Variants in ARHGAP6 observed in about 807,000 individuals in gnomAD.
ARHGAP6 encodes Rho GTPase activating protein 6, also known as rho GTPase-activating protein 6.
ARHGAP6 carries 16 observed loss-of-function variants against 55.7 expected under a neutral mutation model. The observed-to-expected ratio is 0.29, with a 90% CI of 0.19 to 0.44. The LOEUF is 0.44. ARHGAP6 is among the 20% of genes least tolerant of loss of function. The pLI is 1.00. For missense variants in ARHGAP6, 698 were observed against 808.9 expected (o/e 0.86, Z 1.66); for synonymous variants, 382 against 360.9 (o/e 1.06, Z -0.66).
At chrX:11,586,648 T>C (rs1054369963) in intron 1 of ARHGAP6, among the ~76,000 whole-genome samples, 1 of 112,048 alleles carries the variant, frequency 8.9e-6, no homozygotes, top group African/African-American at 3.2e-5. Flanking sequence ...TTTTCTTGGC[T>C]ATTCAGGCTT....
chrX:11,166,502 GCTT>G (rs1569237810), intron 9 of ARHGAP6, among the ~76,000 whole-genome samples: 2 of 112,055 alleles, frequency 1.8e-5, no homozygotes, highest in Admixed American at 1.9e-4. Flanking sequence ...AATTCTGAAA[GCTT>G]CTTTAAAAAG....
intron 1 of ARHGAP6, among the ~76,000 whole-genome samples, chrX:11,275,037 G>A (rs1000340830): frequency 9.0e-6 from 1 of 111,443 alleles, no homozygotes; most frequent in Non-Finnish European, 1.9e-5. Flanking sequence ...AAGTATTCTC[G>A]AAAGAAAAGA....
At chrX:11,363,051 A>G (rs151266510) in intron 1 of ARHGAP6, among the ~76,000 whole-genome samples, 1,625 of 112,056 alleles carry the variant, frequency 0.015, 26 homozygotes, top group African/African-American at 0.049. Context: ...ATAAAACCAT[A>G]TGAATTAAAG....
intron 2 of ARHGAP6, among the ~76,000 whole-genome samples, chrX:11,233,650 G>A (rs778382414): frequency 8.9e-6 from 1 of 111,840 alleles, no homozygotes; most frequent in East Asian, 2.8e-4. Flanking sequence ...GCATAACGTT[G>A]CCATTTTTTC....
rs1365461228 is a variant in ARHGAP6 at position 11,189,630 on chromosome X, C to T, written c.821-646G>A. ...TTGGGGCTGTCACTCTCGTGATCTA[C>T]ACTCAAGCCATTCTACTGGCCACAT... On this transcript the variant is annotated intron_variant, in intron 3 of 12. Coordinates refer to ENST00000337414, the MANE Select transcript of ARHGAP6 (RefSeq NM_013427.3). 2.7e-5 allele frequency among the ~76,000 whole-genome samples: 3 copies of T among 112,037 alleles called. No homozygotes were observed. The Admixed American group carries it at 2.8e-4, about 11-fold the overall frequency.
At chrX:11,372,283 T>C (rs1322602400) in intron 1 of ARHGAP6, among the ~76,000 whole-genome samples, 1 of 112,311 alleles carries the variant, frequency 8.9e-6, no homozygotes, top group Non-Finnish European at 1.9e-5. Context: ...TATGTTTATA[T>C]ATTAACTTTT....
intron 3 of ARHGAP6, among the ~76,000 whole-genome samples, chrX:11,193,061 C>T (rs2046481282): frequency 8.9e-6 from 1 of 112,062 alleles, no homozygotes; most frequent in Non-Finnish European, 1.9e-5. Context: ...ATATGTAAAT[C>T]AAAAGTCACA....
chrX:11,572,152 A>G (rs942969837), intron 1 of ARHGAP6, among the ~76,000 whole-genome samples: 3 of 111,604 alleles, frequency 2.7e-5, no homozygotes, highest in African/African-American at 9.8e-5. Context: ...GGATAATCAA[A>G]TCATAATGGG....
intron 2 of ARHGAP6, among the ~76,000 whole-genome samples, chrX:11,247,160 T>C (rs1299657486): frequency 1.8e-5 from 2 of 111,798 alleles, no homozygotes; most frequent in Non-Finnish European, 3.8e-5. Context: ...TTGAGCAATT[T>C]TGAGGCATTG....
chrX:11,340,458 A>G (rs1328463454), intron 1 of ARHGAP6, among the ~76,000 whole-genome samples: 2 of 112,007 alleles, frequency 1.8e-5, no homozygotes, highest in African/African-American at 3.3e-5. Flanking sequence ...GGCCGGGTGC[A>G]GTGGCTCGCG....
chrX:11,403,039 G>T (rs1259449185), intron 1 of ARHGAP6, among the ~76,000 whole-genome samples: 1 of 112,265 alleles, frequency 8.9e-6, no homozygotes, highest in South Asian at 3.7e-4. Flanking sequence ...TGGCTGCTCA[G>T]TATGGGAAAG....
chrX:11,659,512 T>C (rs956344502), intron 1 of ARHGAP6, among the ~76,000 whole-genome samples: 1 of 111,315 alleles, frequency 9.0e-6, no homozygotes, highest in African/African-American at 3.3e-5. Flanking sequence ...GACAGAATAA[T>C]ATACCACCAA....
intron 1 of ARHGAP6, among the ~76,000 whole-genome samples, chrX:11,558,552 A>AT (rs756795404): frequency 4.7e-4 from 52 of 110,274 alleles, no homozygotes; most frequent in Non-Finnish European, 7.4e-4. Context: ...AAAAGGAGAA[A>AT]TTTTGCCAGG....
Position 11,665,309 on chromosome X carries a change from T to A in ARHGAP6, c.-481A>T. 8.7e-6 allele frequency: 1 copy of A among 114,690 alleles called. No homozygotes were observed. The highest frequency in any genetic ancestry group is 1.9e-5 in the Non-Finnish European group (1 of 53,965). 9.5% of individuals were successfully genotyped at this position (114,690 alleles called of 1,213,427 possible). ...GGCCAGGGAGAAGGCTGCCTGGGCG[T>A]GCGCCCAGGGCGCGTCCACCGCGCT... On this transcript the variant is annotated 5_prime_UTR_variant, in exon 1 of 13. Coordinates refer to ENST00000337414, the MANE Select transcript of ARHGAP6 (RefSeq NM_013427.3).
intron 1 of ARHGAP6, among the ~76,000 whole-genome samples, chrX:11,541,401 ATGAGGTGGTT>A (rs781333954): frequency 1.5e-4 from 17 of 110,885 alleles, no homozygotes; most frequent in Admixed American, 3.8e-4. Flanking sequence ...AGCCCAATAA[ATGAGGTGGTT>A]GGGGTATGGG....
chrX:11,654,726 C>T lies in ARHGAP6; in HGVS notation c.588+9515G>A, dbSNP rs148444740. Among the ~76,000 whole-genome samples the T allele has an allele frequency of 3.7e-3, 417 of 111,503 alleles. 2 individuals carry two copies. Among genetic ancestry groups the T allele is most frequent in the African/African-American group, 0.013 (401 of 30,721 alleles). On this transcript the variant is annotated intron_variant, in intron 1 of 12. Transcript: ENST00000337414. ...AGAAAATCCCATGGCTGGCTGCCGACGACTCTGTTCAATCTCCCAGAGCCG... is the reference window on the plus strand; with the variant it reads ...AGAAAATCCCATGGCTGGCTGCCGATGACTCTGTTCAATCTCCCAGAGCCG...
intron 1 of ARHGAP6, among the ~76,000 whole-genome samples, chrX:11,590,124 T>A (rs1358741229): frequency 9.0e-6 from 1 of 111,429 alleles, no homozygotes; most frequent in Non-Finnish European, 1.9e-5. Context: ...TGGTCCTGAA[T>A]CGGAATCTGA....
chrX:11,342,755 G>C (rs1163101061), intron 1 of ARHGAP6, among the ~76,000 whole-genome samples: 1 of 112,330 alleles, frequency 8.9e-6, no homozygotes. Flanking sequence ...TCTAAATTGA[G>C]AAAATGTGGA....
At chrX:11,396,093 A>C (rs757916597) in intron 1 of ARHGAP6, among the ~76,000 whole-genome samples, 1 of 111,757 alleles carries the variant, frequency 8.9e-6, no homozygotes, top group Non-Finnish European at 1.9e-5. Flanking sequence ...CAGCAAAAGC[A>C]TAAGTCTTCA....
Sources: gnomAD v4.1 joint callset for allele counts (sites outside exome capture counted in the v4.1 genomes callset) on GRCh38, gnomAD v4.1.1 for gene constraint, MANE v1.5 for transcripts, NCBI Gene and HGNC (gene_info 2026-07-23, HGNC 2026-07-21) for gene names.